The following SNRPN variants were observed in gnomAD, a reference collection of about 807,000 sequenced individuals.
SNRPN encodes the protein small nuclear ribonucleoprotein-associated protein N.
A neutral mutation model predicts 25.2 loss-of-function variants in SNRPN; 7 were observed. The observed-to-expected ratio is 0.28, with a 90% CI of 0.16 to 0.52. The LOEUF is 0.52. Among genes scored for constraint, SNRPN ranks in the 20% least tolerant of loss-of-function variants. The pLI, the probability that SNRPN is intolerant of heterozygous loss-of-function variation, is 0.96. For synonymous variants in SNRPN, 124 were observed against 110.6 expected, an observed-to-expected ratio of 1.12 and a Z score of -0.76; for missense variants, 196 against 322.5, an observed-to-expected ratio of 0.61 and a Z score of 3.00.
intron 2 of SNRPN, among the ~76,000 whole-genome samples, chr15:24,833,266 T>C (rs2050724537): frequency 2.6e-5 from 4 of 151,894 alleles, no homozygotes; most frequent in Admixed American, 2.6e-4. Context: ...TAACAGTAGA[T>C]ACTTGATTAG....
intron 2 of SNRPN, among the ~76,000 whole-genome samples, chr15:24,919,170 C>T (rs1421470338): frequency 6.6e-6 from 1 of 151,504 alleles, no homozygotes; most frequent in Non-Finnish European, 1.5e-5. Context: ...TGGCTCACGC[C>T]TGTAATCCCA....
At chr15:24,912,335 G>T (rs2059267426) in intron 2 of SNRPN, 1 of 152,052 alleles carries the variant, frequency 6.6e-6, no homozygotes, top group Non-Finnish European at 1.5e-5. Flanking sequence ...TTGTATTTTG[G>T]AAACACATAA....
chr15:24,938,145 C>T (rs1430013461), intron 3 of SNRPN, among the ~76,000 whole-genome samples: 1 of 145,662 alleles, frequency 6.9e-6, no homozygotes, highest in Non-Finnish European at 1.5e-5. Flanking sequence ...GAGCCTTGCT[C>T]TTTCGCCCAG....
intron 3 of SNRPN, among the ~76,000 whole-genome samples, chr15:24,928,292 A>C (rs28670521): frequency 1.3e-5 from 2 of 152,148 alleles, no homozygotes; most frequent in African/African-American, 4.8e-5. Context: ...TCATTGCAGC[A>C]TTATTCACGA....
upstream of SNRPN, among the ~76,000 whole-genome samples, chr15:24,952,037 A>C (rs186524088): frequency 3.3e-5 from 5 of 152,128 alleles, no homozygotes; most frequent in East Asian, 9.7e-4. Context: ...ACACGGATTT[A>C]TATATATACA....
intron 3 of SNRPN, chr15:24,968,327 T>A (rs916606658): frequency 2.7e-5 from 8 of 301,106 alleles, no homozygotes; most frequent in East Asian, 1.6e-4. Context: ...GCGTTTTTTT[T>A]AATTATATAA....
chr15:24,848,656 T>G (rs148470110), intron 2 of SNRPN: 3 of 152,164 alleles, frequency 2.0e-5, no homozygotes, highest in Non-Finnish European at 4.4e-5. Context: ...ATTTGAAATA[T>G]TTTTCAATTT....
intron 2 of SNRPN, among the ~76,000 whole-genome samples, chr15:24,844,816 G>C (rs965939177): frequency 1.3e-5 from 2 of 152,032 alleles, no homozygotes; most frequent in African/African-American, 4.8e-5. Flanking sequence ...GAGCCACTGT[G>C]CCCAGCCAAT....
intron 1 of SNRPN, among the ~76,000 whole-genome samples, chr15:24,870,358 A>C (rs543203210): frequency 5.2e-4 from 79 of 152,328 alleles, no homozygotes; most frequent in African/African-American, 1.8e-3. Context: ...ACTAACCCAC[A>C]CATATACACA....
chr15:24,839,856 C>G (rs1566813030), intron 2 of SNRPN, among the ~76,000 whole-genome samples: 1 of 151,384 alleles, frequency 6.6e-6, no homozygotes, highest in Non-Finnish European at 1.5e-5. Context: ...GCCTGCTGGT[C>G]ACATGTGGTC....
chr15:24,950,675 GTAGC>G (rs2062196232), upstream of SNRPN, among the ~76,000 whole-genome samples: 1 of 149,810 alleles, frequency 6.7e-6, no homozygotes, highest in African/African-American at 2.5e-5. Context: ...AGCCTCCCGA[GTAGC>G]TGGGACCAGA....
intron 1 of SNRPN, among the ~76,000 whole-genome samples, chr15:24,865,467 G>C (rs766527804): frequency 4.6e-5 from 7 of 152,172 alleles, no homozygotes; most frequent in Non-Finnish European, 1.0e-4. Flanking sequence ...TGTTTGGTGG[G>C]CTCTTATCAG....
rs1218260127 is a variant in SNRPN, at chr15:24,921,322, CT to C, written c.-391+1199del. The C allele has an allele frequency of 2.0e-5, 3 of 152,062 alleles. No individual in the cohort carries two copies. The East Asian group carries it at 5.8e-4, about 29-fold the overall frequency. The allele number at this position is 152,062 out of a possible 1,614,324, so 9.4% of individuals were successfully genotyped here. On this transcript the variant is annotated intron_variant, in intron 3 of 11. Transcript: ENST00000400097. Reference sequence around the variant, plus strand: ...GGATGCAGGTGCGTTTTTTTATGGCCTGAAAAGCCCAGTTTTTGAGGAGTTA... The same window carrying C: ...GGATGCAGGTGCGTTTTTTTATGGCCGAAAAGCCCAGTTTTTGAGGAGTTA...
At chr15:24,844,682 G>A (rs374097217) in intron 2 of SNRPN, among the ~76,000 whole-genome samples, 3 of 151,964 alleles carry the variant, frequency 2.0e-5, no homozygotes, top group African/African-American at 7.3e-5. Context: ...CCTCTATCAT[G>A]CCCGGCTAAT....
At chr15:24,937,957 T>C (rs1233252567) in intron 3 of SNRPN, among the ~76,000 whole-genome samples, 1 of 152,198 alleles carries the variant, frequency 6.6e-6, no homozygotes, top group Non-Finnish European at 1.5e-5. Context: ...GTACTTCCTT[T>C]TTGAGGTTGA....
intron 1 of SNRPN, among the ~76,000 whole-genome samples, 165 bp from the exon 2 acceptor site, chr15:24,961,949 G>C (rs1240735514): frequency 6.6e-6 from 1 of 152,072 alleles, no homozygotes; most frequent in Non-Finnish European, 1.5e-5. Context: ...TTATAGCATA[G>C]ATTATGACTG....
At chr15:24,905,458 G>A (rs925438825) in intron 2 of SNRPN, among the ~76,000 whole-genome samples, 6 of 149,088 alleles carry the variant, frequency 4.0e-5, no homozygotes, top group African/African-American at 1.5e-4. Flanking sequence ...GCAGTGAGCC[G>A]AGATCAAGCC....
At chr15:24,887,456 G>A (rs182838052) in intron 2 of SNRPN, among the ~76,000 whole-genome samples, 2 of 151,102 alleles carry the variant, frequency 1.3e-5, no homozygotes, top group Non-Finnish European at 3.0e-5. Context: ...CCTCACTGAG[G>A]TCTTAATGCT....
At chr15:24,882,993 G>T (rs1330694434) in intron 1 of SNRPN, among the ~76,000 whole-genome samples, 1 of 152,062 alleles carries the variant, frequency 6.6e-6, no homozygotes, top group Non-Finnish European at 1.5e-5. Context: ...ATAATAAAGT[G>T]TTGAATATCT....
Sources: gnomAD v4.1 joint callset for allele counts (sites outside exome capture counted in the v4.1 genomes callset) on GRCh38, gnomAD v4.1.1 for gene constraint, MANE v1.5 for transcripts, NCBI Gene and HGNC (gene_info 2026-07-23, HGNC 2026-07-21) for gene names.